PTPRT: variants seen among roughly 807,000 people sequenced by gnomAD.
The protein encoded by PTPRT is protein tyrosine phosphatase receptor type T, also known as receptor-type tyrosine-protein phosphatase T.
PTPRT carries 56 observed loss-of-function variants against 176.8 expected under a neutral mutation model. That is an observed-to-expected ratio of 0.32 (90% CI 0.26 to 0.40). The LOEUF is 0.40. Among genes scored for constraint, PTPRT ranks in the 10% least tolerant of loss-of-function variants. The pLI, the probability that PTPRT is intolerant of heterozygous loss-of-function variation, is 1.00. For synonymous variants in PTPRT, 783 were observed against 739.0 expected (o/e 1.06, Z -0.96); for missense variants, 1,540 against 1,908.2 (o/e 0.81, Z 3.60).
chr20:42,734,678 T>C (rs2076511813), intron 6 of PTPRT, among the ~76,000 whole-genome samples: 1 of 152,220 alleles, frequency 6.6e-6, no homozygotes, highest in Admixed American at 6.5e-5. Flanking sequence ...ACCCCGAATC[T>C]TGATGTACGC....
intron 13 of PTPRT, among the ~76,000 whole-genome samples, chr20:42,267,733 C>T (rs900053337): frequency 6.6e-6 from 1 of 152,058 alleles, no homozygotes; most frequent in African/African-American, 2.4e-5. Flanking sequence ...CTATCTGGCC[C>T]CAGACATCCA....
intron 6 of PTPRT, among the ~76,000 whole-genome samples, chr20:42,753,089 C>G (rs957460793): frequency 3.9e-5 from 6 of 152,120 alleles, no homozygotes; most frequent in African/African-American, 1.4e-4. Flanking sequence ...GCTAGACGGA[C>G]CCAGGGAATC....
chr20:42,388,557 A>G, intron 9 of PTPRT, among the ~76,000 whole-genome samples: 1 of 152,242 alleles, frequency 6.6e-6, no homozygotes, highest in Admixed American at 6.5e-5. Context: ...AGAGAAATGC[A>G]AATCAAAACC....
intron 2 of PTPRT, among the ~76,000 whole-genome samples, chr20:42,861,596 A>G (rs2078661810): frequency 6.6e-6 from 1 of 152,170 alleles, no homozygotes; most frequent in Non-Finnish European, 1.5e-5. Context: ...TTCTGCCCTT[A>G]TGTTCTCTTA....
the PTPRT span, among the ~76,000 whole-genome samples, chr20:42,047,504 C>A: frequency 6.6e-6 from 1 of 152,154 alleles, no homozygotes; most frequent in East Asian, 1.9e-4. Flanking sequence ...AGAATCATAT[C>A]GTGATGAATT....
At chr20:42,758,185 G>T (rs936359908) in intron 5 of PTPRT, among the ~76,000 whole-genome samples, 7 of 152,176 alleles carry the variant, frequency 4.6e-5, no homozygotes, top group African/African-American at 1.7e-4. Flanking sequence ...TGGACTTAGG[G>T]AAACCTTATG....
intron 16 of PTPRT, among the ~76,000 whole-genome samples, chr20:42,180,094 T>C (rs1397389709): frequency 6.6e-6 from 1 of 152,226 alleles, no homozygotes. Context: ...AAGGCTAGGC[T>C]AGTGGTGAGA....
At chr20:42,532,441 A>T (rs2072400939) in intron 7 of PTPRT, among the ~76,000 whole-genome samples, 1 of 151,966 alleles carries the variant, frequency 6.6e-6, no homozygotes, top group Non-Finnish European at 1.5e-5. Context: ...CAAATCCATT[A>T]CCCAGGCTGG....
At chr20:42,411,453 G>C (rs1176346380) in intron 9 of PTPRT, among the ~76,000 whole-genome samples, 3 of 146,646 alleles carry the variant, frequency 2.0e-5, no homozygotes, top group Non-Finnish European at 4.5e-5. Flanking sequence ...GGAGGCAGAG[G>C]TTGTAGTGAG....
intron 15 of PTPRT, among the ~76,000 whole-genome samples, chr20:42,222,923 A>G (rs564963535): frequency 6.6e-6 from 1 of 152,262 alleles, no homozygotes; most frequent in South Asian, 2.1e-4. Flanking sequence ...GGAATGGGGA[A>G]CAGTCATGGG....
chr20:42,318,248 A>T (rs1299610483), intron 11 of PTPRT, among the ~76,000 whole-genome samples: 1 of 152,202 alleles, frequency 6.6e-6, no homozygotes, highest in Non-Finnish European at 1.5e-5. Context: ...CAACTGTACA[A>T]TTCCTATGTT....
At chr20:42,547,733 C>A (rs1029342005) in intron 7 of PTPRT, among the ~76,000 whole-genome samples, 1 of 151,680 alleles carries the variant, frequency 6.6e-6, no homozygotes, top group Non-Finnish European at 1.5e-5. Flanking sequence ...TTCTGCTTAT[C>A]AAAGAAAGAG....
chr20:42,532,804 C>T (rs1003705659), intron 7 of PTPRT, among the ~76,000 whole-genome samples: 2 of 152,102 alleles, frequency 1.3e-5, no homozygotes, highest in African/African-American at 4.8e-5. Context: ...CAGTCATGGG[C>T]TCCAGGTATA....
At position 42,405,278 on chromosome 20, in the gene PTPRT, G is replaced by T. The variant is rs879822176; in HGVS notation, c.1560+42942C>A. ...TACATATGTATACATGTGCCATGTTGGTGTGCTGCACCCATTAACTGGTCA... is the reference window on the plus strand; with the variant it reads ...TACATATGTATACATGTGCCATGTTTGTGTGCTGCACCCATTAACTGGTCA... On this transcript the variant is annotated intron_variant, in intron 9 of 30. Coordinates refer to ENST00000373187, the MANE Select transcript of PTPRT (RefSeq NM_007050.6). Among the ~76,000 whole-genome samples, 24 of 149,980 alleles carry T rather than the reference G, an allele frequency of 1.6e-4. 1 individual carries two copies. The highest frequency in any genetic ancestry group is 3.0e-4 in the Non-Finnish European group (20 of 67,638).
intron 1 of PTPRT, among the ~76,000 whole-genome samples, chr20:43,019,094 T>C (rs753757177): frequency 2.0e-4 from 30 of 152,220 alleles, no homozygotes; most frequent in Non-Finnish European, 4.1e-4. Context: ...GAGTAAATTA[T>C]ACTATATCTA....
At chr20:42,993,899 A>T (rs1204970898) in intron 1 of PTPRT, among the ~76,000 whole-genome samples, 1 of 152,060 alleles carries the variant, frequency 6.6e-6, no homozygotes, top group African/African-American at 2.4e-5. Context: ...AGCCCTGTTG[A>T]GATATCCTGA....
At chr20:42,638,511 C>G (rs867729162) in intron 7 of PTPRT, among the ~76,000 whole-genome samples, 2 of 152,006 alleles carry the variant, frequency 1.3e-5, no homozygotes, top group East Asian at 1.9e-4. Flanking sequence ...TTGGGCCCAA[C>G]AATGGATTTT....
At chr20:42,118,194 G>A (rs912998028) in intron 21 of PTPRT, among the ~76,000 whole-genome samples, 2 of 152,162 alleles carry the variant, frequency 1.3e-5, no homozygotes, top group African/African-American at 2.4e-5. Flanking sequence ...CATCATCAAC[G>A]GAGAGTGAGG....
At chr20:42,115,928 C>T (rs1987254188) in intron 21 of PTPRT, 1 of 659,550 alleles carries the variant, frequency 1.5e-6, no homozygotes, top group African/African-American at 1.8e-5. Flanking sequence ...TGCGCAGTTC[C>T]TCTCTGACCC....
Sources: allele counts gnomAD v4.1 joint callset (sites outside exome capture counted in the v4.1 genomes callset), GRCh38; gene constraint gnomAD v4.1.1; transcripts MANE v1.5; gene names NCBI Gene and HGNC (gene_info 2026-07-23, HGNC 2026-07-21).